UNK: variants seen among roughly 807,000 people sequenced by gnomAD.
UNK encodes RING finger protein unkempt homolog.
A neutral mutation model predicts 97.6 loss-of-function variants in UNK; 32 were observed. The ratio of observed to expected loss-of-function variants is 0.33; its 90% confidence interval spans 0.25 to 0.44. The LOEUF is 0.44. UNK is among the 20% of genes least tolerant of loss of function. The pLI is 1.00. For synonymous variants in UNK, 441 were observed against 461.2 expected, an observed-to-expected ratio of 0.96 and a Z score of 0.56; for missense variants, 771 against 1,098.4, an observed-to-expected ratio of 0.70 and a Z score of 4.21.
At chr17:75,813,921 G>A in intron 6 of UNK, 43 bp downstream of exon 6, 1 of 1,511,848 alleles carries the variant, frequency 6.6e-7, no homozygotes, top group Non-Finnish European at 8.9e-7. Flanking sequence ...TGGGAAGTAA[G>A]GAGAGAGGCA....
intron 1 of UNK, among the ~76,000 whole-genome samples, chr17:75,799,255 G>C (rs2061834878): frequency 6.6e-6 from 1 of 152,128 alleles, no homozygotes; most frequent in African/African-American, 2.4e-5. Flanking sequence ...GCAGTGACCT[G>C]TAATTGCACT....
intron 1 of UNK, 27 bp downstream of exon 1, chr17:75,785,011 G>T: frequency 7.8e-7 from 1 of 1,274,234 alleles, no homozygotes; most frequent in Middle Eastern, 2.9e-4. Context: ...CCCCCCCGCC[G>T]CGCGCGCACG....
At chr17:75,789,869 G>A (rs1431170263) in intron 1 of UNK, among the ~76,000 whole-genome samples, 1 of 152,100 alleles carries the variant, frequency 6.6e-6, no homozygotes, top group Non-Finnish European at 1.5e-5. Flanking sequence ...TGAGCAGGGC[G>A]TAGTAGCTCA....
In UNK at chr17:75,784,815, C is replaced by T; in HGVS notation, c.-66C>T. On this transcript the variant is annotated 5_prime_UTR_variant, in exon 1 of 16. Transcript: ENST00000589666. ...GTGGCGCGGCGCAGGCGCACTGGGTCCTCGGCGCGGACCGCGCAGACTGAA... is the reference window on the plus strand; with the variant it reads ...GTGGCGCGGCGCAGGCGCACTGGGTTCTCGGCGCGGACCGCGCAGACTGAA... The T allele has an allele frequency of 3.3e-6, 5 of 1,517,262 alleles. No homozygotes were observed. The highest frequency in any genetic ancestry group is 4.6e-6 in the Non-Finnish European group (5 of 1,092,674). The allele number at this position is 1,517,262 out of a possible 1,614,324, so 94.0% of individuals were successfully genotyped here. A position where few individuals can be genotyped will look rare whatever the true frequency, so the allele number is the denominator to read the frequency against.
intron 2 of UNK, 47 bp downstream of exon 2, chr17:75,810,016 G>T (rs750033901): frequency 3.6e-5 from 57 of 1,604,820 alleles, no homozygotes; most frequent in Non-Finnish European, 4.7e-5. Context: ...TCTCCTTCTG[G>T]GTCAGATGCC....
In UNK at chr17:75,824,282, G is replaced by A. The variant is rs779856693; in HGVS notation, c.2298G>A (p.Ser766=). ...TGCAGGCCGTGTTCCACATGCAGTC[G>A]GTGAAATGCCTTAAGTGTCAGGAAC... ...QVDKAVFHMQ[S]VKCLKCQEQK... The change falls in exon 16 of 16, where the codon TCG becomes TCA. Residue 766 remains serine (S), a synonymous_variant. Coordinates refer to ENST00000589666, the MANE Select transcript of UNK (RefSeq NM_001080419.3). The surrounding 1 kb of genome is among the most constrained non-coding windows in gnomAD (Gnocchi z 4.9). 6.2e-6 allele frequency: 10 copies of A among 1,601,354 alleles called. No individual in the cohort carries two copies. Among genetic ancestry groups the A allele is most frequent in the Admixed American group, 5.1e-5 (3 of 58,846 alleles).
At chr17:75,785,059 G>C (rs1230174474) in intron 1 of UNK, 75 bp downstream of exon 1, 3 of 1,097,388 alleles carry the variant, frequency 2.7e-6, no homozygotes, top group Non-Finnish European at 3.8e-6. Context: ...CGCGCGCAGG[G>C]AGAGCGCGAG....
chr17:75,811,814 C>T (rs2061971747), intron 2 of UNK, among the ~76,000 whole-genome samples: 1 of 152,124 alleles, frequency 6.6e-6, no homozygotes, highest in African/African-American at 2.4e-5. Context: ...TGGTGAAACC[C>T]CGTCTCTACT....
At chr17:75,803,121 G>A (rs1377424278) in intron 1 of UNK, among the ~76,000 whole-genome samples, 2 of 149,450 alleles carry the variant, frequency 1.3e-5, no homozygotes, top group Admixed American at 6.6e-5. Context: ...ATTACAGGCC[G>A]GACGCGGTGG....
At position 75,819,739 on chromosome 17, in the gene UNK, G is replaced by A; in HGVS notation, c.1602G>A (p.Lys534=). 6.2e-7 allele frequency: 1 copy of A among 1,613,884 alleles called. No individual in the cohort carries two copies. Among genetic ancestry groups the A allele is most frequent in the Non-Finnish European group, 8.5e-7 (1 of 1,179,896 alleles). The part of the protein sequence containing the change: ...LNEFGVAALE[K]TFDNSTVPHP... Reference sequence around the variant, plus strand: ...AGTTTGGCGTGGCCGCCCTGGAGAAGACTTTCGATAACAGCACAGTGCCCC... The same window carrying A: ...AGTTTGGCGTGGCCGCCCTGGAGAAAACTTTCGATAACAGCACAGTGCCCC... Residue 534 remains lysine, a synonymous_variant, in exon 12 of 16, where the codon AAG becomes AAA. Transcript: ENST00000589666. This position sits in a 1 kb window ranked among gnomAD's most constrained non-coding sequence, Gnocchi z 5.4.
rs1387802278 is a variant in UNK at position 75,792,389 on chromosome 17, T to G, written c.104+7405T>G. The G allele has an allele frequency of 3.0e-6, 3 of 985,312 alleles. No homozygotes were observed. The African/African-American group carries it at 5.2e-5, about 17-fold the overall frequency. The allele number at this position is 985,312 out of a possible 1,614,324, so 61.0% of individuals were successfully genotyped here. ...GTTTTGAGATTGCAACTATGGACAG[T>G]TATGGCTAATCCTAGTAGATTGTCT... On this transcript the variant is annotated intron_variant, in intron 1 of 15. Coordinates refer to ENST00000589666, the MANE Select transcript of UNK (RefSeq NM_001080419.3).
intron 1 of UNK, among the ~76,000 whole-genome samples, chr17:75,800,629 C>T (rs536183049): frequency 9.3e-5 from 14 of 151,124 alleles, no homozygotes; most frequent in Non-Finnish European, 1.8e-4. Flanking sequence ...CCCAGCTACT[C>T]GGGAGGCTGA....
At chr17:75,812,724 C>A in intron 4 of UNK, 139 bp downstream of exon 4, 1 of 1,325,030 alleles carries the variant, frequency 7.5e-7, no homozygotes, top group Non-Finnish European at 1.0e-6. Context: ...ACCCACCATT[C>A]AAAAGGCGCC....
intron 1 of UNK, among the ~76,000 whole-genome samples, chr17:75,789,887 A>T (rs145120696): frequency 0.023 from 3,466 of 152,180 alleles, 150 homozygotes; most frequent in African/African-American, 0.079. Context: ...TCACATCTGT[A>T]ATCCCAGCAC....
chr17:75,822,518 T>C lies in UNK; in HGVS notation c.1879T>C (p.Ser627Pro). Residue 627 changes from serine (S) to proline (P), a missense_variant, in exon 14 of 16, where the codon TCT (serine) becomes CCT (proline). Ser to Pro is a moderately conservative substitution (Grantham distance 74). This residue lies in a region of UNK where 208 missense variants were observed against 257.4 expected (regional missense o/e 0.81). Coordinates refer to ENST00000589666, the MANE Select transcript of UNK (RefSeq NM_001080419.3). Reference sequence around the variant, plus strand: ...CAGCAGCATCTGGGAGCATTTTGCCTCTGGAAGCTTCTCCCCGGGCACTTC... The same window carrying C: ...CAGCAGCATCTGGGAGCATTTTGCCCCTGGAAGCTTCTCCCCGGGCACTTC... Reference protein sequence around the residue: ...MNSSIWEHFASGSFSPGTSPA... With the variant: ...MNSSIWEHFAPGSFSPGTSPA... The C allele has an allele frequency of 1.2e-6, 2 of 1,613,610 alleles. No homozygotes were observed.
rs1351804922 is a variant in UNK, at chr17:75,818,674, C to G, written c.1404C>G (p.Pro468=). 1 of 1,608,748 alleles carries G rather than the reference C, an allele frequency of 6.2e-7. No individual in the cohort carries two copies. Among genetic ancestry groups the G allele is most frequent in the Non-Finnish European group, 8.5e-7 (1 of 1,177,122 alleles). The change falls in exon 11 of 16, where the codon CCC becomes CCG. Residue 468 remains proline (P), a synonymous_variant. Transcript: ENST00000589666. The surrounding 1 kb of genome is among the most constrained non-coding windows in gnomAD (Gnocchi z 5.1). ...TGGGCATCCTCCCCGCAGGCAGCCC[C>G]CTGACCTCAAGCATCTCTTCTAGTA... ...DMLGILPAGS[P]LTSSISSSIT...
intron 1 of UNK, among the ~76,000 whole-genome samples, chr17:75,806,282 G>A (rs1356771362): frequency 2.0e-5 from 3 of 148,336 alleles, no homozygotes; most frequent in Non-Finnish European, 4.4e-5. Flanking sequence ...GTGAAACCCC[G>A]TCTCTACTAA....
In UNK at chr17:75,819,587, G is replaced by A. The variant is rs943272052; in HGVS notation, c.1547-97G>A. The A allele has an allele frequency of 5.1e-5, 58 of 1,147,402 alleles. 1 individual carries two copies. Among genetic ancestry groups the A allele is most frequent in the South Asian group, 3.9e-4 (30 of 76,256 alleles). The allele number at this position is 1,147,402 out of a possible 1,614,324, so 71.1% of individuals were successfully genotyped here. A position where few individuals can be genotyped will look rare whatever the true frequency, so the allele number is the denominator to read the frequency against. ...GGGCTTGGGAGAATACGGACCCAGC[G>A]TAGCATGGGCGTGAAGATGCAGCGT... On this transcript the variant is annotated intron_variant, in intron 11 of 15. Coordinates refer to ENST00000589666, the MANE Select transcript of UNK (RefSeq NM_001080419.3). This position sits in a 1 kb window ranked among gnomAD's most constrained non-coding sequence, Gnocchi z 5.4.
At position 75,818,182 on chromosome 17, in the gene UNK, A is replaced by G. The variant is rs1439395978; in HGVS notation, c.1371+14A>G. On this transcript the variant is annotated intron_variant, in intron 10 of 15. Coordinates refer to ENST00000589666, the MANE Select transcript of UNK (RefSeq NM_001080419.3). The surrounding 1 kb of genome is among the most constrained non-coding windows in gnomAD (Gnocchi z 5.1). ...CAGCCCAAACAGGTATAGAGCTCTC[A>G]GCCCCCTTCCTCCCCTCTGCTGTGG... is the stretch of plus-strand genomic sequence containing the variant. 6.2e-7 allele frequency: 1 copy of G among 1,612,342 alleles called. No homozygotes were observed. The highest frequency in any genetic ancestry group is 8.5e-7 in the Non-Finnish European group (1 of 1,178,930).
Sources: allele counts gnomAD v4.1 joint callset (sites outside exome capture counted in the v4.1 genomes callset), GRCh38; gene constraint gnomAD v4.1.1; regional missense constraint gnomAD v4.1.1; non-coding constraint Gnocchi (gnomAD v3.1); transcripts MANE v1.5; gene names NCBI Gene and HGNC (gene_info 2026-07-23, HGNC 2026-07-21).